Variants in SDK1 observed in about 807,000 individuals in gnomAD.
SDK1 encodes protein sidekick-1.
Under a neutral mutation model 245.5 loss-of-function variants are expected in SDK1, and 157 were observed. The ratio of observed to expected loss-of-function variants is 0.64; its 90% CI spans 0.56 to 0.73. SDK1 has a LOEUF of 0.73. Ranked by LOEUF, SDK1 falls within the 30% of genes least tolerant of loss-of-function variation. The probability of loss-of-function intolerance (pLI) is 0.00; values close to 1 mark genes in which losing one functional copy is unlikely to be tolerated. For synonymous variants in SDK1, 1,647 were observed against 1,278.5 expected (o/e 1.29, Z -6.15); for missense variants, 3,583 against 3,002.3 (o/e 1.19, Z -4.52).
rs180785527 is a variant in SDK1 at position 3,912,876 on chromosome 7, A to G, written c.848-38047A>G. Among the ~76,000 whole-genome samples, 459 of 152,320 alleles carry G rather than the reference A, an allele frequency of 3.0e-3. 3 individuals carry two copies. The highest frequency in any genetic ancestry group is 0.011 in the African/African-American group (448 of 41,562). ...GATTTCTAGTCCTTAACCAAAAAAA[A>G]GTGCAGTGACCTTTCCACTACGACA... On this transcript the variant is annotated intron_variant, in intron 5 of 44. Coordinates refer to ENST00000404826, the MANE Select transcript of SDK1 (RefSeq NM_152744.4).
intron 1 of SDK1, among the ~76,000 whole-genome samples, chr7:3,335,448 G>T (rs1780176378): frequency 6.7e-6 from 1 of 149,658 alleles, no homozygotes; most frequent in African/African-American, 2.5e-5. Context: ...TTCCCCAGTA[G>T]ACTATAAGCT....
intron 4 of SDK1, among the ~76,000 whole-genome samples, chr7:3,676,069 G>A (rs537045022): frequency 5.2e-4 from 79 of 152,216 alleles, no homozygotes; most frequent in Non-Finnish European, 4.0e-4. Context: ...AGGCTCAAGC[G>A]ATTCTTCCAC....
chr7:3,555,875 C>T (rs1010841489), intron 1 of SDK1, among the ~76,000 whole-genome samples: 2 of 152,164 alleles, frequency 1.3e-5, no homozygotes, highest in Non-Finnish European at 2.9e-5. Context: ...GGTATCATCT[C>T]ACTCCAGTTA....
intron 1 of SDK1, among the ~76,000 whole-genome samples, chr7:3,343,933 C>T (rs1032662118): frequency 6.8e-6 from 1 of 147,048 alleles, no homozygotes. Flanking sequence ...ATATTACGGA[C>T]ATATTATTGA....
At chr7:3,778,063 C>G (rs766418036) in intron 4 of SDK1, among the ~76,000 whole-genome samples, 1 of 152,194 alleles carries the variant, frequency 6.6e-6, no homozygotes, top group Non-Finnish European at 1.5e-5. Context: ...GCCTTCCTTT[C>G]TGACAAAGTA....
intron 16 of SDK1, among the ~76,000 whole-genome samples, chr7:4,016,666 T>G (rs996803176): frequency 4.6e-5 from 7 of 152,206 alleles, no homozygotes; most frequent in African/African-American, 1.2e-4. Context: ...TTTAGAAATT[T>G]CAACACCTTT....
intron 30 of SDK1, among the ~76,000 whole-genome samples, chr7:4,153,461 C>T (rs1247398776): frequency 6.6e-6 from 1 of 152,132 alleles, no homozygotes; most frequent in African/African-American, 2.4e-5. Context: ...TGGCATGTGC[C>T]TGTAATCCCA....
chr7:4,036,793 C>T (rs1025829789), intron 17 of SDK1, among the ~76,000 whole-genome samples: 4 of 152,184 alleles, frequency 2.6e-5, no homozygotes, highest in African/African-American at 9.7e-5. Flanking sequence ...AACAGGCCCT[C>T]ACCAGACACT....
intron 4 of SDK1, among the ~76,000 whole-genome samples, chr7:3,752,587 A>AT (rs952371199): frequency 1.8e-4 from 27 of 151,572 alleles, no homozygotes; most frequent in East Asian, 9.6e-4. Flanking sequence ...TATAGAAATT[A>AT]TTTTTTTTTG....
At chr7:3,761,753 G>C (rs1780111221) in intron 4 of SDK1, among the ~76,000 whole-genome samples, 1 of 151,980 alleles carries the variant, frequency 6.6e-6, no homozygotes, top group South Asian at 2.1e-4. Flanking sequence ...GCAGATTATA[G>C]TTATGAAATC....
intron 5 of SDK1, among the ~76,000 whole-genome samples, chr7:3,935,737 A>G (rs562934882): frequency 4.6e-5 from 7 of 152,324 alleles, no homozygotes; most frequent in African/African-American, 1.7e-4. Context: ...CAAAAACAGA[A>G]AGTAACAAGT....
At chr7:3,579,960 C>T (rs573603068) in intron 1 of SDK1, among the ~76,000 whole-genome samples, 17 of 152,250 alleles carry the variant, frequency 1.1e-4, no homozygotes, top group South Asian at 6.2e-4. Context: ...GATACAAAAT[C>T]GGTGTATGAA....
intron 3 of SDK1, 102 bp from the exon 4 acceptor site, chr7:3,641,856 C>G: frequency 1.1e-6 from 1 of 895,800 alleles, no homozygotes; most frequent in Non-Finnish European, 1.7e-6. Context: ...AATGTGGCAG[C>G]ATCAGTGACT....
At chr7:3,967,272 C>G in intron 9 of SDK1, 46 bp from the exon 10 acceptor site, 1 of 1,442,286 alleles carries the variant, frequency 6.9e-7, no homozygotes, top group Non-Finnish European at 9.8e-7. Flanking sequence ...TGATGTGAGC[C>G]TCTCAGGAAC....
At chr7:4,027,398 G>C (rs569514205) in intron 17 of SDK1, among the ~76,000 whole-genome samples, 1 of 152,338 alleles carries the variant, frequency 6.6e-6, no homozygotes, top group African/African-American at 2.4e-5. Flanking sequence ...GGGCTCCTTA[G>C]CATGTGTAGG....
chr7:3,650,556 G>T (rs1782981616), intron 4 of SDK1, among the ~76,000 whole-genome samples: 1 of 152,136 alleles, frequency 6.6e-6, no homozygotes, highest in Admixed American at 6.5e-5. Flanking sequence ...TATGTACCTT[G>T]TAGCTAGTTT....
At chr7:3,504,575 G>A (rs1052510128) in intron 1 of SDK1, among the ~76,000 whole-genome samples, 4 of 152,212 alleles carry the variant, frequency 2.6e-5, no homozygotes, top group East Asian at 1.9e-4. Context: ...GAATAGTCTT[G>A]TCAGCAAATT....
At chr7:3,577,599 C>T (rs1345725060) in intron 1 of SDK1, among the ~76,000 whole-genome samples, 1 of 152,038 alleles carries the variant, frequency 6.6e-6, no homozygotes, top group Non-Finnish European at 1.5e-5. Context: ...TCATGGAACT[C>T]ACTTTTGCTT....
chr7:3,850,741 G>A (rs973492995), intron 5 of SDK1, among the ~76,000 whole-genome samples: 1 of 151,680 alleles, frequency 6.6e-6, no homozygotes, highest in African/African-American at 2.4e-5. Context: ...ATCATTCTCA[G>A]CAAACTATCG....
Sources: gnomAD v4.1 joint callset for allele counts (sites outside exome capture counted in the v4.1 genomes callset) on GRCh38, gnomAD v4.1.1 for gene constraint, MANE v1.5 for transcripts, NCBI Gene and HGNC (gene_info 2026-07-23, HGNC 2026-07-21) for gene names.